Variants in BAIAP2 observed in about 807,000 individuals in gnomAD.
BAIAP2 encodes the protein BAR/IMD domain containing adaptor protein 2.
In BAIAP2, 18 loss-of-function variants were observed where a neutral mutation model predicts 63.0. The ratio of observed to expected loss-of-function variants is 0.29; its 90% CI spans 0.20 to 0.42. The LOEUF (loss-of-function observed/expected upper bound fraction) is 0.42, where lower values mean the gene tolerates loss of function less well. Ranked by LOEUF, BAIAP2 falls within the 10% of genes least tolerant of loss-of-function variation. The pLI, the probability that BAIAP2 is intolerant of heterozygous loss-of-function variation, is 1.00. For missense variants in BAIAP2, 610 were observed against 734.3 expected (o/e 0.83, Z 1.96); for synonymous variants, 386 against 307.6 (o/e 1.25, Z -2.67).
chr17:81,055,319 C>G (rs1414171488), intron 2 of BAIAP2, among the ~76,000 whole-genome samples: 1 of 152,200 alleles, frequency 6.6e-6, no homozygotes, highest in Non-Finnish European at 1.5e-5. Flanking sequence ...GTTGTGCCCG[C>G]CTGCCACATC....
chr17:81,052,902 G>A (rs1317952842), intron 1 of BAIAP2, among the ~76,000 whole-genome samples: 1 of 152,204 alleles, frequency 6.6e-6, no homozygotes, highest in Non-Finnish European at 1.5e-5. Context: ...AGACACGGGA[G>A]GTGGCTGAGC....
chr17:81,089,663 A>G (rs8069420), intron 6 of BAIAP2, among the ~76,000 whole-genome samples: 141,967 of 152,076 alleles, frequency 0.93, 66,476 homozygotes, highest in East Asian at 1. Flanking sequence ...TCGTGGCCTT[A>G]CAGGCTGTCT....
At chr17:81,077,914 G>A (rs1598662090) in intron 3 of BAIAP2, among the ~76,000 whole-genome samples, 2 of 150,106 alleles carry the variant, frequency 1.3e-5, no homozygotes, top group South Asian at 2.1e-4. Context: ...CTGGGTGCAG[G>A]TGCCATCTCG....
chr17:81,093,244 A>G (rs1246457152), intron 6 of BAIAP2, among the ~76,000 whole-genome samples: 2 of 152,020 alleles, frequency 1.3e-5, no homozygotes, highest in Non-Finnish European at 2.9e-5. Context: ...TCAGAATCGC[A>G]CTGGGCATGG....
intron 13 of BAIAP2, chr17:81,111,097 A>T: frequency 9.8e-7 from 1 of 1,023,834 alleles, no homozygotes; most frequent in South Asian, 1.4e-5. Flanking sequence ...CCTGCCTCTC[A>T]CTCTGGGTGC....
chr17:81,075,934 G>A (rs1437628962), intron 3 of BAIAP2, among the ~76,000 whole-genome samples: 1 of 136,944 alleles, frequency 7.3e-6, no homozygotes, highest in Non-Finnish European at 1.6e-5. Context: ...GGTCTGCTGG[G>A]AATTTTTTTT....
In BAIAP2 at chr17:81,092,638, G is replaced by C. The variant is rs2056966678; in HGVS notation, c.489+6058G>C. Among the ~76,000 whole-genome samples the C allele has an allele frequency of 2.0e-5, 3 of 152,362 alleles. No homozygotes were observed. In the South Asian group the frequency reaches 6.2e-4, roughly 32 times the overall value. On this transcript the variant is annotated intron_variant, in intron 6 of 13. Coordinates refer to ENST00000428708, the MANE Select transcript of BAIAP2 (RefSeq NM_001144888.2). ...GGGCACTGGGGCTAGGAAGCATTTG[G>C]GGTGTTTGTTAACTAGGACGGGAGA...
At chr17:81,089,676 G>T (rs1209505632) in intron 6 of BAIAP2, among the ~76,000 whole-genome samples, 1 of 152,140 alleles carries the variant, frequency 6.6e-6, no homozygotes, top group Non-Finnish European at 1.5e-5. Flanking sequence ...GGCTGTCTGC[G>T]TCCTGATGGG....
chr17:81,100,373 G>C (rs2058323801), intron 7 of BAIAP2, among the ~76,000 whole-genome samples: 1 of 152,078 alleles, frequency 6.6e-6, no homozygotes, highest in Non-Finnish European at 1.5e-5. Context: ...TTCTGCCACA[G>C]CCATGTCCTG....
chr17:81,082,204 G>GGCACACACAGCC (rs1158091526), intron 3 of BAIAP2, among the ~76,000 whole-genome samples: 2 of 152,150 alleles, frequency 1.3e-5, no homozygotes, highest in Non-Finnish European at 2.9e-5. Flanking sequence ...GTCACGGCCA[G>GGCACACACAGCC]GCACACACAG....
chr17:81,052,731 G>A (rs935587823), intron 1 of BAIAP2, among the ~76,000 whole-genome samples: 1 of 152,206 alleles, frequency 6.6e-6, no homozygotes, highest in African/African-American at 2.4e-5. Flanking sequence ...GAGAGGGGGT[G>A]GGGGATGCAG....
At chr17:81,035,715 C>CG (rs2046145962) in intron 1 of BAIAP2, among the ~76,000 whole-genome samples, 1 of 151,962 alleles carries the variant, frequency 6.6e-6, no homozygotes, top group African/African-American at 2.4e-5. Flanking sequence ...GCCGGGGCGG[C>CG]GGGGGCGGCG....
intron 13 of BAIAP2, among the ~76,000 whole-genome samples, chr17:81,114,452 C>T (rs999281975): frequency 2.0e-5 from 3 of 152,066 alleles, no homozygotes; most frequent in Admixed American, 6.5e-5. Flanking sequence ...CTACCCAGGC[C>T]CCAGGAAGGG....
intron 6 of BAIAP2, 99 bp downstream of exon 6, chr17:81,086,679 G>T: frequency 7.2e-7 from 1 of 1,383,226 alleles, no homozygotes; most frequent in South Asian, 1.3e-5. Flanking sequence ...CAGCCCCCCA[G>T]GTGCGATCAG....
At chr17:81,108,184 A>T in intron 12 of BAIAP2, 2 of 483,668 alleles carry the variant, frequency 4.1e-6, no homozygotes, top group East Asian at 3.5e-5. Flanking sequence ...GAGGGGTCTC[A>T]GGCGGCCAGT....
chr17:81,114,807 G>A (rs947798743), intron 13 of BAIAP2, among the ~76,000 whole-genome samples: 7 of 152,180 alleles, frequency 4.6e-5, no homozygotes, highest in African/African-American at 1.2e-4. Context: ...GTAGCTGGAC[G>A]GAGTCTGCCT....
At chr17:81,036,652 C>G (rs2046307853) in intron 1 of BAIAP2, among the ~76,000 whole-genome samples, 1 of 152,218 alleles carries the variant, frequency 6.6e-6, no homozygotes. Context: ...AGTCCTAAAG[C>G]CACGTCGGAG....
rs2058763178 is a variant in BAIAP2 at position 81,103,541 on chromosome 17, C to G, written c.682C>G (p.Gln228Glu). The part of the protein sequence containing the change: ...LLAQKLPLWQ[Q>E]ACADPSKIPE... ...GGCGCAGAAGCTGCCGCTGTGGCAACAGGCCTGTGCCGACCCCAGCAAGAT... is the reference window on the plus strand; with the variant it reads ...GGCGCAGAAGCTGCCGCTGTGGCAAGAGGCCTGTGCCGACCCCAGCAAGAT... Residue 228 changes from glutamine (Q) to glutamate (E), a missense_variant, in exon 8 of 14, where the codon CAG becomes GAG. Gln to Glu is a conservative substitution (Grantham distance 29). This residue lies in a region of BAIAP2 where 389 missense variants were observed against 455.6 expected (regional missense o/e 0.85). Coordinates refer to ENST00000428708, the MANE Select transcript of BAIAP2 (RefSeq NM_001144888.2). The G allele has an allele frequency of 6.3e-7, 1 of 1,595,324 alleles. No homozygotes were observed. The highest frequency in any genetic ancestry group is 8.5e-7 in the Non-Finnish European group (1 of 1,176,930).
At chr17:81,050,729 GTGCACA>G (rs1383032501) in intron 1 of BAIAP2, among the ~76,000 whole-genome samples, 207 of 17,946 alleles carry the variant, frequency 0.012, no homozygotes, top group African/African-American at 0.032. Context: ...GCACACAAAT[GTGCACA>G]TGCACACGTG....
Sources: allele counts gnomAD v4.1 joint callset (sites outside exome capture counted in the v4.1 genomes callset), GRCh38; gene constraint gnomAD v4.1.1; regional missense constraint gnomAD v4.1.1; transcripts MANE v1.5; gene names NCBI Gene and HGNC (gene_info 2026-07-23, HGNC 2026-07-21).